The following ATP10B variants were observed in gnomAD, a reference collection of about 807,000 sequenced individuals.
ATP10B encodes the protein phospholipid-transporting ATPase VB.
A neutral mutation model predicts 141.2 loss-of-function variants in ATP10B; 122 were observed. The observed-to-expected ratio is 0.86, with a 90% CI of 0.75 to 1.00. The LOEUF (loss-of-function observed/expected upper bound fraction) is 1.00. ATP10B is among the 50% of genes least tolerant of loss of function. ATP10B has a pLI of 0.00. For synonymous variants in ATP10B, 685 were observed against 692.0 expected (o/e 0.99, Z 0.16); for missense variants, 1,876 against 1,825.3 (o/e 1.03, Z -0.51).
intron 6 of ATP10B, chr5:160,685,161 G>T: frequency 1.5e-6 from 1 of 686,584 alleles, no homozygotes. Context: ...GCAAGTTAGA[G>T]ACCACTACTC....
chr5:160,602,350 G>A (rs1379798433), intron 21 of ATP10B, among the ~76,000 whole-genome samples: 1 of 152,190 alleles, frequency 6.6e-6, no homozygotes, highest in East Asian at 1.9e-4. Flanking sequence ...TGTGCCAGGT[G>A]CTTTTCATAC....
At chr5:160,748,958 T>A (rs1767981091) in intron 2 of ATP10B, among the ~76,000 whole-genome samples, 1 of 152,206 alleles carries the variant, frequency 6.6e-6, no homozygotes, top group Non-Finnish European at 1.5e-5. Context: ...ATATTCATAG[T>A]AATGTTTGGG....
intron 1 of ATP10B, among the ~76,000 whole-genome samples, chr5:160,842,881 C>A (rs575096681): frequency 6.6e-6 from 1 of 152,000 alleles, no homozygotes; most frequent in South Asian, 2.1e-4. Context: ...CTAAGGAGTA[C>A]CATCAATCTT....
At chr5:160,618,099 C>A in intron 15 of ATP10B, 126 bp from the exon 16 acceptor site, 1 of 757,858 alleles carries the variant, frequency 1.3e-6, no homozygotes. Context: ...TACAGCCCAC[C>A]TTAGAAACCT....
At chr5:160,608,379 G>T (rs548500778) in intron 18 of ATP10B, among the ~76,000 whole-genome samples, 1 of 152,038 alleles carries the variant, frequency 6.6e-6, no homozygotes, top group African/African-American at 2.4e-5. Flanking sequence ...GAATAGTGCC[G>T]CAATAAACAT....
chr5:160,866,699 A>G, the ATP10B span, among the ~76,000 whole-genome samples: 2 of 152,040 alleles, frequency 1.3e-5, no homozygotes, highest in African/African-American at 4.8e-5. Flanking sequence ...ACAAAACCAA[A>G]ACAAAATAAA....
intron 2 of ATP10B, among the ~76,000 whole-genome samples, chr5:160,743,700 T>A (rs1767627697): frequency 6.6e-6 from 1 of 152,230 alleles, no homozygotes; most frequent in African/African-American, 2.4e-5. Flanking sequence ...GTTAAACTTT[T>A]AATTTCAAAG....
At chr5:160,854,160 T>TCTACAA (rs1753939777), upstream of ATP10B, among the ~76,000 whole-genome samples, 1 of 152,134 alleles carries the variant, frequency 6.6e-6, no homozygotes, top group Non-Finnish European at 1.5e-5. Flanking sequence ...CTACAAGCTG[T>TCTACAA]GCAAGTGTTA....
chr5:160,842,378 G>T (rs987548846), intron 1 of ATP10B, among the ~76,000 whole-genome samples: 4 of 151,816 alleles, frequency 2.6e-5, no homozygotes, highest in Non-Finnish European at 5.9e-5. Flanking sequence ...TAGAAAAGAA[G>T]AAAGGCTAAA....
Position 160,670,450 on chromosome 5 carries a change from G to C in ATP10B, c.675+13C>G. ...TATGACTTTACCATTGAAGATATTA[G>C]AAAGAGCCCTACCTGCTGTGAGAAG... On this transcript the variant is annotated intron_variant, in intron 7 of 25. Coordinates refer to ENST00000327245, the MANE Select transcript of ATP10B (RefSeq NM_025153.3). 6.2e-7 allele frequency: 1 copy of C among 1,613,614 alleles called. No homozygotes were observed. The highest frequency in any genetic ancestry group is 1.1e-5 in the South Asian group (1 of 91,044).
intron 6 of ATP10B, among the ~76,000 whole-genome samples, chr5:160,682,037 A>T (rs368344771): frequency 4.1e-4 from 63 of 152,332 alleles, no homozygotes; most frequent in African/African-American, 1.4e-3. Context: ...GCCATTTATC[A>T]GTCCATGAGT....
chr5:160,783,719 T>C (rs988254599), intron 2 of ATP10B, among the ~76,000 whole-genome samples: 3 of 151,768 alleles, frequency 2.0e-5, no homozygotes, highest in African/African-American at 7.3e-5. Flanking sequence ...CTTTTTCGTA[T>C]AATGACTTCT....
rs1481835243 is a variant in ATP10B at position 160,615,961 on chromosome 5, C to T, written c.2530G>A (p.Val844Ile). ...LRTLCIAKKVVSEEDFRRWAS... is the reference protein window; with the variant it reads ...LRTLCIAKKVISEEDFRRWAS... Reference sequence around the variant, plus strand: ...CATCTCCGGAAGTCCTCTTCGCTTACAACCTATGGGATGGGAAAAGGCTCC... The same window carrying T: ...CATCTCCGGAAGTCCTCTTCGCTTATAACCTATGGGATGGGAAAAGGCTCC... Residue 844 changes from valine (V) to isoleucine (I), a missense_variant, in exon 17 of 26, where the codon GTA becomes ATA. Coordinates refer to ENST00000327245, the MANE Select transcript of ATP10B (RefSeq NM_025153.3). The T allele has an allele frequency of 1.2e-6, 2 of 1,613,256 alleles. No individual in the cohort carries two copies. Among genetic ancestry groups the T allele is most frequent in the Non-Finnish European group, 1.7e-6 (2 of 1,179,320 alleles).
intron 1 of ATP10B, among the ~76,000 whole-genome samples, chr5:160,831,688 G>A (rs1320257547): frequency 6.6e-6 from 1 of 152,002 alleles, no homozygotes; most frequent in Non-Finnish European, 1.5e-5. Flanking sequence ...CAGATAAGAA[G>A]AAAAGACAAT....
chr5:160,837,450 C>T (rs181915470), intron 1 of ATP10B, among the ~76,000 whole-genome samples: 314 of 152,222 alleles, frequency 2.1e-3, no homozygotes, highest in African/African-American at 7.4e-3. Context: ...GAAAGGGAAA[C>T]CCATGTTAGT....
At chr5:160,902,183 C>T in the ATP10B span, among the ~76,000 whole-genome samples, 3 of 152,154 alleles carry the variant, frequency 2.0e-5, no homozygotes, top group African/African-American at 7.2e-5. Flanking sequence ...TTATAGAAGT[C>T]ACTTGCTCTT....
chr5:160,674,903 A>G (rs1482386154), intron 6 of ATP10B, among the ~76,000 whole-genome samples: 1 of 152,194 alleles, frequency 6.6e-6, no homozygotes, highest in Non-Finnish European at 1.5e-5. Flanking sequence ...GGGGATTAAA[A>G]AATGAGATCA....
the ATP10B span, among the ~76,000 whole-genome samples, chr5:160,870,592 C>T: frequency 7.9e-5 from 12 of 151,768 alleles, no homozygotes; most frequent in Admixed American, 4.6e-4. Context: ...CTAAAAAAGA[C>T]GTAACATACA....
At chr5:160,667,727 T>A (rs1762408869) in intron 7 of ATP10B, among the ~76,000 whole-genome samples, 1 of 152,188 alleles carries the variant, frequency 6.6e-6, no homozygotes, top group African/African-American at 2.4e-5. Flanking sequence ...TGACTCTTCA[T>A]TCCAGCTAAA....
Sources: gnomAD v4.1 joint callset for allele counts (sites outside exome capture counted in the v4.1 genomes callset) on GRCh38, gnomAD v4.1.1 for gene constraint, MANE v1.5 for transcripts, NCBI Gene and HGNC (gene_info 2026-07-23, HGNC 2026-07-21) for gene names.